Variants in CCDC190 observed in about 807,000 individuals in gnomAD.
The protein encoded by CCDC190 is coiled-coil domain-containing protein 190.
A neutral mutation model predicts 13.1 loss-of-function variants in CCDC190; 10 were observed. That is an observed-to-expected ratio of 0.77 (90% CI 0.47 to 1.30). CCDC190 has a LOEUF of 1.30. Among genes scored for constraint, CCDC190 ranks in the 50% most tolerant of loss-of-function variants. The pLI, the probability that CCDC190 is intolerant of heterozygous loss-of-function variation, is 0.00. For synonymous variants in CCDC190, 136 were observed against 127.2 expected (o/e 1.07, Z -0.47); for missense variants, 375 against 354.3 (o/e 1.06, Z -0.47).
chr1:162,865,758 A>T (rs1362648911), upstream of CCDC190, among the ~76,000 whole-genome samples: 1 of 152,208 alleles, frequency 6.6e-6, no homozygotes, highest in Non-Finnish European at 1.5e-5. Flanking sequence ...AAATATCTTC[A>T]ACCTGATAAT....
At position 162,854,761 on chromosome 1, in the gene CCDC190, A is replaced by G. The variant is rs2102257971; in HGVS notation, c.*4T>C. 1 of 1,597,636 alleles carries G rather than the reference A, an allele frequency of 6.3e-7. No homozygotes were observed. Among genetic ancestry groups the G allele is most frequent in the African/African-American group, 1.3e-5 (1 of 74,504 alleles). On this transcript the variant is annotated 3_prime_UTR_variant, in exon 4 of 4. Transcript: ENST00000367912. Reference sequence around the variant, plus strand: ...ATATGTTATTGTCAGGCTATGTTAAACGGTTAGAGAGGAAGAAACTTAGAA... The same window carrying G: ...ATATGTTATTGTCAGGCTATGTTAAGCGGTTAGAGAGGAAGAAACTTAGAA...
At chr1:162,865,157 G>C (rs1182148832), upstream of CCDC190, among the ~76,000 whole-genome samples, 1 of 151,952 alleles carries the variant, frequency 6.6e-6, no homozygotes, top group Non-Finnish European at 1.5e-5. Context: ...AATATTAATA[G>C]GAATAAAGAG....
At chr1:162,865,420 T>C (rs1194404772), upstream of CCDC190, among the ~76,000 whole-genome samples, 4 of 152,158 alleles carry the variant, frequency 2.6e-5, no homozygotes, top group Admixed American at 1.3e-4. Flanking sequence ...ATGTTAATTA[T>C]ACCCAACCAC....
rs113006249 is a variant in CCDC190 at position 162,856,304 on chromosome 1, A to G, written c.188-549T>C. ...TGTGATAGATGGAAATGGAAAATTT[A>G]AAGCAGTTTTCCAGTGTTTGCGTAG... On this transcript the variant is annotated intron_variant, in intron 2 of 3. Transcript: ENST00000367912. Among the ~76,000 whole-genome samples, 305 of 152,336 alleles carry G rather than the reference A, an allele frequency of 2.0e-3. 1 individual carries two copies. Among genetic ancestry groups the G allele is most frequent in the Non-Finnish European group, 3.2e-3 (220 of 68,030 alleles).
chr1:162,855,739 C>G lies in CCDC190; in HGVS notation c.204G>C (p.Lys68Asn), dbSNP rs1650281035. 6.2e-7 allele frequency: 1 copy of G among 1,604,986 alleles called. No homozygotes were observed. The highest frequency in any genetic ancestry group is 1.7e-5 in the Admixed American group (1 of 58,620). Residue 68 changes from lysine (K) to asparagine (N), a missense_variant, in exon 3 of 4, where the codon AAG (lysine) becomes AAC (asparagine). Transcript: ENST00000367912. ...ATCCATTCCCCAAATAAGAGGAGAA[C>G]TTTTTCTTCATGGTTTCTGCTTTGA... ...QRLQQETMKK[K>N]FSSYLGNGFQ...
Position 162,854,113 on chromosome 1 carries a change from A to G in CCDC190, c.*652T>C. ...GCATTTGACAGCATGTTGGGAGATG[A>G]TTAAAAGTTTTTTAAATCCTTTGAT... On this transcript the variant is annotated 3_prime_UTR_variant, in exon 4 of 4. Coordinates refer to ENST00000367912, the MANE Select transcript of CCDC190 (RefSeq NM_001394065.1). The G allele has an allele frequency of 1.7e-6, 1 of 583,278 alleles. No individual in the cohort carries two copies. The allele number at this position is 583,278 out of a possible 1,614,324, so 36.1% of individuals were successfully genotyped here. A position where few individuals can be genotyped will look rare whatever the true frequency, so the allele number is the denominator to read the frequency against.
chr1:162,859,422 C>G, intron 2 of CCDC190, 38 bp downstream of exon 2: 1 of 1,588,106 alleles, frequency 6.3e-7, no homozygotes, highest in Non-Finnish European at 8.6e-7. Context: ...CCTGCTGTGC[C>G]TCTGGGGCAT....
intron 2 of CCDC190, among the ~76,000 whole-genome samples, chr1:162,856,888 T>C (rs923067436): frequency 7.9e-5 from 12 of 152,142 alleles, no homozygotes; most frequent in Admixed American, 7.2e-4. Context: ...ACTTCACCTA[T>C]TCCATATAAA....
Position 162,855,009 on chromosome 1 carries a change from G to A in CCDC190, c.662C>T (p.Thr221Ile), listed in dbSNP as rs765058279. 6.2e-7 allele frequency: 1 copy of A among 1,614,028 alleles called. No individual in the cohort carries two copies. Among genetic ancestry groups the A allele is most frequent in the Admixed American group, 1.7e-5 (1 of 60,022 alleles). The part of the protein sequence containing the change: ...KDVALKPDGN[T>I]GKQIPPKHME... ...GTGTTTTGGGGGAATTTGTTTTCCAGTGTTCCCATCTGGCTTTAGAGCAAC... is the reference window on the plus strand; with the variant it reads ...GTGTTTTGGGGGAATTTGTTTTCCAATGTTCCCATCTGGCTTTAGAGCAAC... The change falls in exon 4 of 4, where the codon ACT becomes ATT. Residue 221 changes from threonine (T) to isoleucine (I), a missense_variant. Transcript: ENST00000367912.
At chr1:162,862,954 CT>C (rs201288657), upstream of CCDC190, among the ~76,000 whole-genome samples, 3,139 of 145,940 alleles carry the variant, frequency 0.022, 51 homozygotes, top group Middle Eastern at 0.057. Flanking sequence ...GTGGAATGGA[CT>C]TTTTTTTTTT....
chr1:162,861,041 T>A lies in CCDC190; in HGVS notation c.-46A>T. 1.0e-6 allele frequency: 1 copy of A among 984,448 alleles called. No individual in the cohort carries two copies. Among genetic ancestry groups the A allele is most frequent in the Middle Eastern group, 5.2e-4 (1 of 1,912 alleles). 61.0% of individuals were successfully genotyped at this position (984,448 alleles called of 1,614,324 possible). ...CCAGAGTTTTCACCATGAGACTATG[T>A]CTTGTTTCTTTTGCTATGTCAGACT... On this transcript the variant is annotated 5_prime_UTR_variant, in exon 1 of 4. Transcript: ENST00000367912.
chr1:162,854,311 G>C lies in CCDC190; in HGVS notation c.*454C>G. On this transcript the variant is annotated 3_prime_UTR_variant, in exon 4 of 4. Coordinates refer to ENST00000367912, the MANE Select transcript of CCDC190 (RefSeq NM_001394065.1). ...AGCACGTGGGTGTGGTTAAAGAGCA[G>C]ATTTTCTTTATAGACCATGTTACAG... 2.0e-6 allele frequency: 2 copies of C among 986,946 alleles called. No homozygotes were observed. Among genetic ancestry groups the C allele is most frequent in the Non-Finnish European group, 2.4e-6 (2 of 830,946 alleles). 61.1% of individuals were successfully genotyped at this position (986,946 alleles called of 1,614,324 possible). A position where few individuals can be genotyped will look rare whatever the true frequency, so the allele number is the denominator to read the frequency against.
intron 1 of CCDC190, among the ~76,000 whole-genome samples, chr1:162,866,529 A>T (rs1295315878): frequency 1.3e-5 from 2 of 152,198 alleles, no homozygotes; most frequent in African/African-American, 4.8e-5. Flanking sequence ...TCTAAAAATT[A>T]TCTGTAGATT....
At position 162,855,313 on chromosome 1, in the gene CCDC190, G is replaced by A. The variant is rs372327417; in HGVS notation, c.358C>T (p.Gln120Ter). Residue 120 changes from glutamine to a stop codon, truncating the protein, a stop_gained, in exon 4 of 4, where the codon CAG becomes TAG. Transcript: ENST00000367912. LOFTEE classifies it low-confidence loss of function (END_TRUNC). ...CCAGCATCATGTGAAGGAGGCACCTGGGACTTGCTTTTGCATGTGTCTTGG... is the reference window on the plus strand; with the variant it reads ...CCAGCATCATGTGAAGGAGGCACCTAGGACTTGCTTTTGCATGTGTCTTGG... The part of the protein sequence containing the change: ...MAQDTCKSKS[Q>*]VPPSHDAGLK... The A allele has an allele frequency of 9.9e-6, 16 of 1,612,824 alleles. No individual in the cohort carries two copies. Among genetic ancestry groups the A allele is most frequent in the Non-Finnish European group, 1.4e-5 (16 of 1,179,852 alleles).
In CCDC190 at chr1:162,853,048, T is replaced by C. The variant is rs1245134822; in HGVS notation, c.*1717A>G. The C allele has an allele frequency of 2.2e-6, 3 of 1,391,380 alleles. No homozygotes were observed. Among genetic ancestry groups the C allele is most frequent in the Admixed American group, 2.0e-5 (1 of 50,618 alleles). 86.2% of individuals were successfully genotyped at this position (1,391,380 alleles called of 1,614,324 possible). A position where few individuals can be genotyped will look rare whatever the true frequency, so the allele number is the denominator to read the frequency against. On this transcript the variant is annotated 3_prime_UTR_variant, in exon 4 of 4. Coordinates refer to ENST00000367912, the MANE Select transcript of CCDC190 (RefSeq NM_001394065.1). ...GTGAATCAATCAGTTCTGTCACTTATGGCCTGCCTTCCTCTGTTGCTTTGC... is the reference window on the plus strand; with the variant it reads ...GTGAATCAATCAGTTCTGTCACTTACGGCCTGCCTTCCTCTGTTGCTTTGC...
chr1:162,864,983 A>G (rs1333391841), upstream of CCDC190, among the ~76,000 whole-genome samples: 1 of 152,094 alleles, frequency 6.6e-6, no homozygotes, highest in Non-Finnish European at 1.5e-5. Flanking sequence ...AGGCCACACT[A>G]TATCATGCTG....
chr1:162,855,714 A>T lies in CCDC190; in HGVS notation c.229T>A (p.Phe77Ile), dbSNP rs766885894. 8.1e-6 allele frequency: 13 copies of T among 1,613,104 alleles called. No homozygotes were observed. Among genetic ancestry groups the T allele is most frequent in the Admixed American group, 1.7e-5 (1 of 59,894 alleles). ...AGAACATCTTCTGGTCTCTTCTGAA[A>T]TCCATTCCCCAAATAAGAGGAGAAC... ...KKFSSYLGNG[F>I]QKRPEDVLVF... The change falls in exon 3 of 4, where the codon TTT (phenylalanine) becomes ATT (isoleucine). Residue 77 changes from phenylalanine to isoleucine, a missense_variant. Transcript: ENST00000367912.
At position 162,852,096 on chromosome 1, in the gene CCDC190, A is replaced by C. The variant is rs1321364870; in HGVS notation, c.*2669T>G. 1 of 152,240 alleles carries C rather than the reference A, an allele frequency of 6.6e-6. No homozygotes were observed. Among genetic ancestry groups the C allele is most frequent in the Non-Finnish European group, 1.5e-5 (1 of 68,054 alleles). 9.4% of individuals were successfully genotyped at this position (152,240 alleles called of 1,614,324 possible). On this transcript the variant is annotated 3_prime_UTR_variant, in exon 4 of 4. Transcript: ENST00000367912. ...TTCTGTGAATATTTAATGTAATGGC[A>C]CAGGGTGGAGTTTCCAATCTTGGCG...
Position 162,859,459 on chromosome 1 carries a change from C to A in CCDC190, c.187+1G>T, listed in dbSNP as rs971058718. 6.2e-7 allele frequency: 1 copy of A among 1,612,314 alleles called. No individual in the cohort carries two copies. The highest frequency in any genetic ancestry group is 2.2e-5 in the East Asian group (1 of 44,846). Reference sequence around the variant, plus strand: ...CTCCTCACCAGTCCTGAAAGTCTTACCTTGCTGCAACCTCTGCAGTTCTTT... The same window carrying A: ...CTCCTCACCAGTCCTGAAAGTCTTAACTTGCTGCAACCTCTGCAGTTCTTT... On this transcript the variant is annotated splice_donor_variant, in intron 2 of 3. Coordinates refer to ENST00000367912, the MANE Select transcript of CCDC190 (RefSeq NM_001394065.1). LOFTEE classifies it high-confidence loss of function.
Sources: allele counts gnomAD v4.1 joint callset (sites outside exome capture counted in the v4.1 genomes callset), GRCh38; gene constraint gnomAD v4.1.1; transcripts MANE v1.5; gene names NCBI Gene and HGNC (gene_info 2026-07-23, HGNC 2026-07-21).